ARID5B: variants seen among roughly 807,000 people sequenced by gnomAD.
The protein encoded by ARID5B is AT-rich interactive domain-containing protein 5B.
Under a neutral mutation model 97.2 loss-of-function variants are expected in ARID5B, and 13 were observed. That is an observed-to-expected ratio of 0.13 (90% CI 0.09 to 0.21). ARID5B has a LOEUF of 0.21. Among genes scored for constraint, ARID5B ranks in the 10% least tolerant of loss-of-function variants. ARID5B has a pLI of 1.00. For missense variants in ARID5B, 1,210 were observed against 1,465.3 expected, an observed-to-expected ratio of 0.83 and a Z score of 2.84; for synonymous variants, 556 against 570.3, an observed-to-expected ratio of 0.97 and a Z score of 0.36.
At chr10:61,933,197 T>G (rs1328098042) in intron 2 of ARID5B, among the ~76,000 whole-genome samples, 1 of 152,256 alleles carries the variant, frequency 6.6e-6, no homozygotes, top group Non-Finnish European at 1.5e-5. Context: ...TCTGTTCAAG[T>G]TTAGTCATGA....
intron 2 of ARID5B, among the ~76,000 whole-genome samples, chr10:61,906,272 C>T (rs373792413): frequency 5.9e-5 from 9 of 151,332 alleles, no homozygotes; most frequent in African/African-American, 2.2e-4. Context: ...AAAATGATAC[C>T]ATCTTAAATT....
chr10:61,919,215 C>A (rs1843967172), intron 2 of ARID5B, among the ~76,000 whole-genome samples: 1 of 152,140 alleles, frequency 6.6e-6, no homozygotes, highest in Non-Finnish European at 1.5e-5. Context: ...CATCAGGAAA[C>A]CTGGTATTGA....
At chr10:62,004,396 C>T (rs191359641) in intron 4 of ARID5B, among the ~76,000 whole-genome samples, 365 of 152,264 alleles carry the variant, frequency 2.4e-3, no homozygotes, top group Non-Finnish European at 3.8e-3. Context: ...ATTTTTAAAA[C>T]GAAAGCAACA....
chr10:62,055,350 C>T (rs1040082284), intron 5 of ARID5B, among the ~76,000 whole-genome samples: 5 of 152,128 alleles, frequency 3.3e-5, no homozygotes, highest in Admixed American at 2.0e-4. Flanking sequence ...TGTCTACCTC[C>T]GTTTCCTCAT....
chr10:61,945,011 C>T lies in ARID5B; in HGVS notation c.502+4603C>T, dbSNP rs576327952. On this transcript the variant is annotated intron_variant, in intron 3 of 9. Coordinates refer to ENST00000279873, the MANE Select transcript of ARID5B (RefSeq NM_032199.3). The stretch of plus-strand genomic sequence containing the variant: ...CAAATTGAGAAAGAGTAGCTTCCCC[C>T]TTTCTTCTGTTGCTGGGACTTTCAC... 4.6e-5 allele frequency among the ~76,000 whole-genome samples: 7 copies of T among 152,288 alleles called. No homozygotes were observed. In the South Asian group the frequency reaches 1.5e-3, roughly 32 times the overall value.
chr10:62,016,255 TG>T (rs1839282920), intron 4 of ARID5B, among the ~76,000 whole-genome samples: 1 of 152,238 alleles, frequency 6.6e-6, no homozygotes. Context: ...ACAGCTGACT[TG>T]AGTATGGCTC....
chr10:61,925,991 G>C (rs1481023747), intron 2 of ARID5B, among the ~76,000 whole-genome samples: 1 of 152,152 alleles, frequency 6.6e-6, no homozygotes, highest in Non-Finnish European at 1.5e-5. Context: ...GAGCAGGATG[G>C]AAAAGGTTGG....
rs547843218 is a variant in ARID5B, at chr10:62,094,102, G to A, written c.*1072G>A. On this transcript the variant is annotated 3_prime_UTR_variant, in exon 10 of 10. Transcript: ENST00000279873. ...AAAACCTCACTGGCAGCAAGCTGCC[G>A]AATAACAACAGAGTCTAGAGGACAT... The A allele has an allele frequency of 1.6e-4, 38 of 233,510 alleles. No individual in the cohort carries two copies. Among genetic ancestry groups the A allele is most frequent in the Admixed American group, 1.0e-3 (18 of 17,800 alleles). The allele number at this position is 233,510 out of a possible 1,614,324, so 14.5% of individuals were successfully genotyped here.
intron 2 of ARID5B, among the ~76,000 whole-genome samples, chr10:61,921,138 T>C (rs1844007510): frequency 6.6e-6 from 1 of 152,268 alleles, no homozygotes; most frequent in Non-Finnish European, 1.5e-5. Flanking sequence ...CAATGGTGTG[T>C]AAATGTGTCC....
At chr10:62,074,345 T>C (rs1243504506) in intron 8 of ARID5B, among the ~76,000 whole-genome samples, 1 of 152,222 alleles carries the variant, frequency 6.6e-6, no homozygotes, top group East Asian at 1.9e-4. Flanking sequence ...CCTTTTGCTT[T>C]TACCATAAGC....
At chr10:61,917,738 C>T (rs1239610824) in intron 2 of ARID5B, among the ~76,000 whole-genome samples, 1 of 152,106 alleles carries the variant, frequency 6.6e-6, no homozygotes, top group East Asian at 1.9e-4. Flanking sequence ...ACCGTTGGTC[C>T]CAAAGGGGCT....
intron 3 of ARID5B, among the ~76,000 whole-genome samples, chr10:61,948,684 C>T (rs961021477): frequency 1.3e-5 from 2 of 151,852 alleles, no homozygotes; most frequent in African/African-American, 4.8e-5. Flanking sequence ...TTTTTTATAC[C>T]ATTTAACTCA....
In ARID5B at chr10:62,092,773, C is replaced by A; in HGVS notation, c.3310C>A (p.Gln1104Lys). The A allele has an allele frequency of 6.2e-7, 1 of 1,614,180 alleles. No homozygotes were observed. Among genetic ancestry groups the A allele is most frequent in the Non-Finnish European group, 8.5e-7 (1 of 1,180,030 alleles). The change falls in exon 10 of 10, where the codon CAG becomes AAG. Residue 1104 changes from glutamine to lysine, a missense_variant. Transcript: ENST00000279873. ...RLPAGYSHSL[Q>K]YLKNQTVLSP... ...CCCGGCTGGGTATTCTCATTCTCTG[C>A]AGTACTTGAAAAACCAGACTGTGCT...
intron 3 of ARID5B, among the ~76,000 whole-genome samples, chr10:61,972,888 T>C (rs1274159741): frequency 2.0e-5 from 3 of 152,214 alleles, no homozygotes; most frequent in African/African-American, 7.2e-5. Context: ...CCCTCAATGA[T>C]TGCATTTGCT....
Position 61,902,440 on chromosome 10 carries a change from C to G in ARID5B, c.276+27C>G, listed in dbSNP as rs745706026. ...TGGTAAACCTGTCTGTCCCCCTCTT[C>G]TTTCTTTATTATTTTTCCCCCTAGT... On this transcript the variant is annotated intron_variant, in intron 2 of 9. Coordinates refer to ENST00000279873, the MANE Select transcript of ARID5B (RefSeq NM_032199.3). 1.9e-6 allele frequency: 3 copies of G among 1,606,942 alleles called. No homozygotes were observed. The South Asian group carries it at 3.3e-5, about 18-fold the overall frequency.
intron 4 of ARID5B, among the ~76,000 whole-genome samples, chr10:62,037,588 C>T (rs574847016): frequency 3.9e-5 from 6 of 152,292 alleles, no homozygotes; most frequent in African/African-American, 9.6e-5. Flanking sequence ...CCTTTGAGAA[C>T]GCACCTTGTG....
At position 62,091,862 on chromosome 10, in the gene ARID5B, A is replaced by C. The variant is rs1452208754; in HGVS notation, c.2399A>C (p.Tyr800Ser). ...CACCTTAACCCCCTTGCTGACTCCT[A>C]CGTCCTGAAGCAAGAAATTCAGGAG... ...KHHLNPLADS[Y>S]VLKQEIQEGK... is the part of the protein sequence containing the mutation. The change falls in exon 10 of 10, where the codon TAC (tyrosine) becomes TCC (serine). Residue 800 changes from tyrosine to serine, a missense_variant. This residue lies in a region of ARID5B where 800 missense variants were observed against 839.1 expected (regional missense o/e 0.95). Transcript: ENST00000279873. 5.0e-6 allele frequency: 8 copies of C among 1,613,972 alleles called. No homozygotes were observed. The highest frequency in any genetic ancestry group is 6.8e-6 in the Non-Finnish European group (8 of 1,180,012).
chr10:62,087,246 C>T (rs1263546205), intron 9 of ARID5B, among the ~76,000 whole-genome samples: 1 of 125,970 alleles, frequency 7.9e-6, no homozygotes, highest in Non-Finnish European at 1.6e-5. Flanking sequence ...TTGCAGTGAG[C>T]CGAGATCAGG....
intron 2 of ARID5B, among the ~76,000 whole-genome samples, chr10:61,908,363 A>T (rs1024249767): frequency 6.6e-6 from 1 of 152,238 alleles, no homozygotes; most frequent in Non-Finnish European, 1.5e-5. Context: ...ATGAGTCACA[A>T]CACATCAGTA....
Sources: allele counts gnomAD v4.1 joint callset (sites outside exome capture counted in the v4.1 genomes callset), GRCh38; gene constraint gnomAD v4.1.1; regional missense constraint gnomAD v4.1.1; transcripts MANE v1.5; gene names NCBI Gene and HGNC (gene_info 2026-07-23, HGNC 2026-07-21).